The following LARGE1 variants were observed in gnomAD, a reference collection of about 807,000 sequenced individuals.
LARGE1 encodes the protein xylosyl- and glucuronyltransferase LARGE1.
In LARGE1, 43 loss-of-function variants were observed where a neutral mutation model predicts 87.6. The ratio of observed to expected loss-of-function variants is 0.49; its 90% confidence interval spans 0.38 to 0.63. LARGE1 has a LOEUF of 0.63. LARGE1 is among the 30% of genes least tolerant of loss of function. LARGE1 has a pLI of 0.00. For missense variants in LARGE1, 802 were observed against 1,000.2 expected (o/e 0.80, Z 2.67); for synonymous variants, 434 against 394.6 (o/e 1.10, Z -1.18).
intron 6 of LARGE1, among the ~76,000 whole-genome samples, chr22:33,539,740 G>A (rs960800458): frequency 2.9e-4 from 44 of 152,004 alleles, no homozygotes; most frequent in African/African-American, 1.0e-3. Flanking sequence ...ACACCCACCT[G>A]GCTAATTTTT....
At chr22:33,625,210 C>A (rs1268867047) in intron 4 of LARGE1, among the ~76,000 whole-genome samples, 2 of 152,222 alleles carry the variant, frequency 1.3e-5, no homozygotes, top group African/African-American at 4.8e-5. Context: ...TTCATCCAAA[C>A]CCTTGGCAAG....
At chr22:33,865,913 A>T (rs1448490794) in intron 1 of LARGE1, among the ~76,000 whole-genome samples, 1 of 116,702 alleles carries the variant, frequency 8.6e-6, no homozygotes, top group East Asian at 3.0e-4. Context: ...CAGTGGCATG[A>T]TCTGAGTTCA....
At chr22:33,534,186 C>T (rs564179196) in intron 6 of LARGE1, among the ~76,000 whole-genome samples, 27 of 151,896 alleles carry the variant, frequency 1.8e-4, no homozygotes, top group Non-Finnish European at 3.7e-4. Context: ...AGGCGGATCA[C>T]GAGGTCAGGA....
intron 6 of LARGE1, among the ~76,000 whole-genome samples, chr22:33,470,215 A>C (rs946908989): frequency 1.3e-5 from 2 of 152,172 alleles, no homozygotes; most frequent in Admixed American, 1.3e-4. Flanking sequence ...TTGGGTGACA[A>C]AATAATCTGT....
chr22:33,875,834 C>A (rs888188435), intron 1 of LARGE1, among the ~76,000 whole-genome samples: 1 of 152,184 alleles, frequency 6.6e-6, no homozygotes, highest in Non-Finnish European at 1.5e-5. Context: ...GGCAGCCCCA[C>A]CTGATGGGCT....
intron 1 of LARGE1, among the ~76,000 whole-genome samples, chr22:33,896,653 T>A (rs1293503203): frequency 6.6e-6 from 1 of 152,182 alleles, no homozygotes; most frequent in African/African-American, 2.4e-5. Context: ...ATGTTCAAAC[T>A]TCACAGTGTC....
chr22:33,395,105 T>C (rs555013641), intron 7 of LARGE1, among the ~76,000 whole-genome samples: 21 of 151,938 alleles, frequency 1.4e-4, no homozygotes, highest in Admixed American at 7.2e-4. Context: ...GGCGGGCCCC[T>C]GTAGTCCCAG....
At chr22:33,079,446 C>A in the LARGE1 span, among the ~76,000 whole-genome samples, 1 of 151,972 alleles carries the variant, frequency 6.6e-6, no homozygotes, top group Non-Finnish European at 1.5e-5. Context: ...CCAGCATGGT[C>A]TCGATCTCCT....
intron 3 of LARGE1, among the ~76,000 whole-genome samples, chr22:33,643,043 G>A (rs1381496299): frequency 6.6e-6 from 1 of 151,960 alleles, no homozygotes; most frequent in Non-Finnish European, 1.5e-5. Context: ...TGGACCAAGT[G>A]GACTTAATAA....
intron 2 of LARGE1, among the ~76,000 whole-genome samples, chr22:33,693,552 G>A (rs373886833): frequency 6.6e-6 from 1 of 152,130 alleles, no homozygotes; most frequent in East Asian, 1.9e-4. Flanking sequence ...CATGGCTGGG[G>A]CGGTGGCTCA....
chr22:33,883,719 T>C lies in LARGE1; in HGVS notation c.-83+36276A>G, dbSNP rs75222715. Among the ~76,000 whole-genome samples, 583 of 152,328 alleles carry C rather than the reference T, an allele frequency of 3.8e-3. 9 individuals carry two copies. Among genetic ancestry groups the C allele is most frequent in the African/African-American group, 0.013 (537 of 41,568 alleles). ...CCTTTGCACTGGCATGGGCCTCGGC[T>C]CTTTCCCCAGAAAGCCCCATGACTC... On this transcript the variant is annotated intron_variant, in intron 1 of 14. Transcript: ENST00000397394.
At chr22:33,776,838 A>G (rs1417918372) in intron 1 of LARGE1, among the ~76,000 whole-genome samples, 1 of 152,170 alleles carries the variant, frequency 6.6e-6, no homozygotes, top group Non-Finnish European at 1.5e-5. Flanking sequence ...GAAGACAGCT[A>G]TTGCTTTACC....
chr22:33,672,595 G>T (rs1187939162), intron 2 of LARGE1, among the ~76,000 whole-genome samples: 3 of 152,210 alleles, frequency 2.0e-5, no homozygotes, highest in East Asian at 1.9e-4. Flanking sequence ...GGGTGGGGAA[G>T]TAAGTCTATC....
At chr22:33,311,522 C>G (rs959207404) in intron 11 of LARGE1, among the ~76,000 whole-genome samples, 1 of 152,204 alleles carries the variant, frequency 6.6e-6, no homozygotes, top group Non-Finnish European at 1.5e-5. Context: ...CAACTACTTA[C>G]TAGGCACTTT....
At chr22:33,631,824 C>T (rs1321835280) in intron 3 of LARGE1, among the ~76,000 whole-genome samples, 3 of 152,168 alleles carry the variant, frequency 2.0e-5, no homozygotes, top group South Asian at 2.1e-4. Flanking sequence ...GCAGCGCAGT[C>T]GGTTTGTTCA....
chr22:33,518,256 G>A (rs909147805), intron 6 of LARGE1, among the ~76,000 whole-genome samples: 3 of 152,244 alleles, frequency 2.0e-5, no homozygotes, highest in African/African-American at 4.8e-5. Context: ...CCCTATGTGA[G>A]AAAATTGAAT....
intron 12 of LARGE1, among the ~76,000 whole-genome samples, chr22:33,302,941 A>G (rs1232085347): frequency 1.3e-5 from 2 of 152,120 alleles, no homozygotes; most frequent in Non-Finnish European, 2.9e-5. Flanking sequence ...ATATATGCAA[A>G]TCACCTCTCA....
chr22:33,315,279 G>T (rs1400094419), intron 11 of LARGE1, among the ~76,000 whole-genome samples: 2 of 152,194 alleles, frequency 1.3e-5, no homozygotes, highest in Non-Finnish European at 2.9e-5. Context: ...GGATGTGAAC[G>T]TGTTATACAA....
At chr22:33,618,130 T>C (rs139428642) in intron 4 of LARGE1, among the ~76,000 whole-genome samples, 88 of 152,376 alleles carry the variant, frequency 5.8e-4, no homozygotes, top group African/African-American at 2.0e-3. Context: ...ACAGATTTAA[T>C]AGGACTCATT....
Sources: gnomAD v4.1 joint callset for allele counts (sites outside exome capture counted in the v4.1 genomes callset) on GRCh38, gnomAD v4.1.1 for gene constraint, MANE v1.5 for transcripts, NCBI Gene and HGNC (gene_info 2026-07-23, HGNC 2026-07-21) for gene names.